Variants in BNC2 observed in about 807,000 individuals in gnomAD.
BNC2 encodes zinc finger protein basonuclin-2.
Under a neutral mutation model 76.3 loss-of-function variants are expected in BNC2, and 20 were observed. The ratio of observed to expected loss-of-function variants is 0.26; its 90% CI spans 0.18 to 0.38. The LOEUF (loss-of-function observed/expected upper bound fraction) is 0.38. Among genes scored for constraint, BNC2 ranks in the 10% least tolerant of loss-of-function variants. The pLI, the probability that BNC2 is intolerant of heterozygous loss-of-function variation, is 1.00. For missense variants in BNC2, 1,382 were observed against 1,399.8 expected (o/e 0.99, Z 0.20); for synonymous variants, 582 against 514.8 (o/e 1.13, Z -1.77).
intron 5 of BNC2, among the ~76,000 whole-genome samples, chr9:16,528,074 G>A (rs972940017): frequency 1.3e-5 from 2 of 152,174 alleles, no homozygotes; most frequent in Admixed American, 6.5e-5. Context: ...TTGGAAGTGA[G>A]GAAAGATTGA....
intron 3 of BNC2, among the ~76,000 whole-genome samples, chr9:16,584,824 T>C (rs1819725603): frequency 6.6e-6 from 1 of 152,004 alleles, no homozygotes; most frequent in African/African-American, 2.4e-5. Context: ...GTGACCAAAA[T>C]AAAAAGAGCT....
intron 3 of BNC2, among the ~76,000 whole-genome samples, chr9:16,637,213 T>A (rs772982947): frequency 2.0e-5 from 3 of 152,136 alleles, no homozygotes; most frequent in Non-Finnish European, 2.9e-5. Flanking sequence ...ATATATGAGC[T>A]CTTACAGGAA....
chr9:16,809,269 T>A (rs141592705), intron 1 of BNC2, among the ~76,000 whole-genome samples: 25 of 152,214 alleles, frequency 1.6e-4, no homozygotes, highest in African/African-American at 5.3e-4. Flanking sequence ...GATCACTCTC[T>A]GATGACCTTT....
intron 3 of BNC2, among the ~76,000 whole-genome samples, chr9:16,725,985 A>AACACAC (rs201355622): frequency 0.07 from 10,020 of 142,256 alleles, 519 homozygotes; most frequent in African/African-American, 0.15. Context: ...CTTCCCTTCT[A>AACACAC]ACACACACAC....
Position 16,701,540 on chromosome 9 carries a change from A to G in BNC2, c.330+26257T>C, listed in dbSNP as rs1362673761. On this transcript the variant is annotated intron_variant, in intron 3 of 6. Transcript: ENST00000380672. ...ATTTTTTTATGCTTACTAACAAGCC[A>G]AAGTAAACACTAAGTCAAATATTTA... Among the ~76,000 whole-genome samples the G allele has an allele frequency of 3.9e-5, 6 of 152,248 alleles. No individual in the cohort carries two copies. The East Asian group carries it at 7.7e-4, about 20-fold the overall frequency.
chr9:16,696,890 T>C (rs1360112716), intron 3 of BNC2, among the ~76,000 whole-genome samples: 1 of 152,230 alleles, frequency 6.6e-6, no homozygotes, highest in African/African-American at 2.4e-5. Flanking sequence ...ATTTAGCCTA[T>C]TAAGGTTCAG....
At chr9:16,833,387 T>C (rs1385872559) in intron 1 of BNC2, among the ~76,000 whole-genome samples, 2 of 152,146 alleles carry the variant, frequency 1.3e-5, no homozygotes, top group Non-Finnish European at 2.9e-5. Context: ...CCATTCTTTT[T>C]CCATTTCCTG....
intron 5 of BNC2, among the ~76,000 whole-genome samples, chr9:16,470,516 C>T (rs1211982826): frequency 1.3e-5 from 2 of 152,180 alleles, no homozygotes; most frequent in Non-Finnish European, 2.9e-5. Flanking sequence ...CATCACAGGC[C>T]CAGAGGCCCA....
intron 1 of BNC2, among the ~76,000 whole-genome samples, chr9:16,831,643 T>C (rs372328116): frequency 6.6e-6 from 1 of 152,216 alleles, no homozygotes. Flanking sequence ...GGAGTCAGCA[T>C]AGGAAGTATT....
At chr9:16,578,470 T>C (rs1444557554) in intron 4 of BNC2, among the ~76,000 whole-genome samples, 2 of 152,250 alleles carry the variant, frequency 1.3e-5, no homozygotes, top group East Asian at 3.9e-4. Context: ...ATGCTTCCTG[T>C]TAGAAGCAGG....
At chr9:16,732,157 CA>C (rs143619331) in intron 2 of BNC2, among the ~76,000 whole-genome samples, 2 of 43,900 alleles carry the variant, frequency 4.6e-5, no homozygotes, top group Admixed American at 2.6e-4. Context: ...CCATTTCCTG[CA>C]AAAAAAAAAG....
chr9:16,610,293 A>G (rs914730048), intron 3 of BNC2, among the ~76,000 whole-genome samples: 3 of 152,100 alleles, frequency 2.0e-5, no homozygotes, highest in African/African-American at 7.2e-5. Context: ...TGCTCATCTA[A>G]TGGTTTTCAT....
chr9:16,739,527 C>G (rs7035869), intron 1 of BNC2, among the ~76,000 whole-genome samples: 4,532 of 152,128 alleles, frequency 0.03, 160 homozygotes, highest in East Asian at 0.087. Context: ...AAGAAGTTAG[C>G]CAGGTGTAGT....
At chr9:16,671,941 A>G (rs1822489416) in intron 3 of BNC2, among the ~76,000 whole-genome samples, 3 of 152,222 alleles carry the variant, frequency 2.0e-5, no homozygotes, top group Admixed American at 2.0e-4. Flanking sequence ...CTGTACATAC[A>G]TTGTAAGGTT....
chr9:16,626,992 C>T (rs1483066546), intron 3 of BNC2, among the ~76,000 whole-genome samples: 1 of 152,270 alleles, frequency 6.6e-6, no homozygotes, highest in East Asian at 1.9e-4. Context: ...GACAGTGAGG[C>T]GACTGAATCA....
intron 2 of BNC2, 117 bp from the exon 3 acceptor site, chr9:16,728,114 G>A (rs2134994319): frequency 4.3e-6 from 3 of 701,380 alleles, no homozygotes; most frequent in Non-Finnish European, 7.5e-6. Context: ...TTTGGGGGAG[G>A]GAGGGGGTCA....
intron 5 of BNC2, among the ~76,000 whole-genome samples, chr9:16,542,516 T>A (rs995281884): frequency 3.9e-5 from 6 of 152,182 alleles, no homozygotes; most frequent in African/African-American, 1.4e-4. Flanking sequence ...AAACAATTGT[T>A]CATGCATCAC....
intron 5 of BNC2, among the ~76,000 whole-genome samples, chr9:16,492,868 G>A (rs1253859720): frequency 6.6e-6 from 1 of 152,014 alleles, no homozygotes; most frequent in African/African-American, 2.4e-5. Context: ...TGGGTAGTCT[G>A]AAACGTTGTG....
chr9:16,521,372 G>A (rs1394242312), intron 5 of BNC2, among the ~76,000 whole-genome samples: 1 of 152,148 alleles, frequency 6.6e-6, no homozygotes, highest in Non-Finnish European at 1.5e-5. Flanking sequence ...AGTGGGAATG[G>A]GGACAATGTT....
Sources: gnomAD v4.1 joint callset for allele counts (sites outside exome capture counted in the v4.1 genomes callset) on GRCh38, gnomAD v4.1.1 for gene constraint, MANE v1.5 for transcripts, NCBI Gene and HGNC (gene_info 2026-07-23, HGNC 2026-07-21) for gene names.